LINGO2: variants seen among roughly 807,000 people sequenced by gnomAD.
LINGO2 encodes leucine rich repeat and Ig domain containing 2.
In LINGO2, 14 loss-of-function variants were observed where a neutral mutation model predicts 30.6. The ratio of observed to expected loss-of-function variants is 0.46; its 90% CI spans 0.30 to 0.72. The LOEUF (loss-of-function observed/expected upper bound fraction) is 0.72, where lower values mean the gene tolerates loss of function less well. Among genes scored for constraint, LINGO2 ranks in the 30% least tolerant of loss-of-function variants. LINGO2 has a pLI of 0.07. For missense variants in LINGO2, 729 were observed against 751.7 expected (o/e 0.97, Z 0.35); for synonymous variants, 317 against 288.5 (o/e 1.10, Z -1.00).
chr9:28,373,445 A>G (rs1480238129), intron 2 of LINGO2, among the ~76,000 whole-genome samples: 1 of 152,164 alleles, frequency 6.6e-6, no homozygotes, highest in Non-Finnish European at 1.5e-5. Context: ...AATTGTAATT[A>G]TGATGCTGAA....
chr9:28,542,908 G>A (rs1192568665), intron 1 of LINGO2, among the ~76,000 whole-genome samples: 3 of 151,946 alleles, frequency 2.0e-5, no homozygotes, highest in African/African-American at 7.2e-5. Flanking sequence ...CGTAATTCAG[G>A]GTCTGAAAGA....
At chr9:28,967,110 A>T in the LINGO2 span, among the ~76,000 whole-genome samples, 1 of 152,116 alleles carries the variant, frequency 6.6e-6, no homozygotes, top group African/African-American at 2.4e-5. Context: ...TCTAATGCCA[A>T]CTGCCTTACA....
intron 1 of LINGO2, among the ~76,000 whole-genome samples, chr9:28,587,756 C>T (rs73443307): frequency 6.6e-6 from 1 of 152,020 alleles, no homozygotes; most frequent in African/African-American, 2.4e-5. Flanking sequence ...GGTTACTCAC[C>T]TGGCCACTGC....
chr9:28,837,653 TATATATAC>T, the LINGO2 span, among the ~76,000 whole-genome samples: 474 of 99,046 alleles, frequency 4.8e-3, 66 homozygotes, highest in African/African-American at 0.018. Context: ...GTCTAAAATA[TATATATAC>T]ATATATATAT....
chr9:28,664,267 CT>C (rs1828703011), intron 1 of LINGO2, among the ~76,000 whole-genome samples: 1 of 152,022 alleles, frequency 6.6e-6, no homozygotes, highest in South Asian at 2.1e-4. Flanking sequence ...GCCCACAGTA[CT>C]GCTTTTTTTG....
the LINGO2 span, among the ~76,000 whole-genome samples, chr9:28,944,572 AT>A: frequency 6.6e-6 from 1 of 151,616 alleles, no homozygotes; most frequent in Non-Finnish European, 1.5e-5. Context: ...CGCCTGGCTA[AT>A]TTTTGTATTT....
the LINGO2 span, among the ~76,000 whole-genome samples, chr9:29,087,146 G>T: frequency 1.3e-5 from 2 of 152,040 alleles, no homozygotes; most frequent in African/African-American, 4.8e-5. Flanking sequence ...CAATGTGCTG[G>T]GATTACAGGC....
chr9:28,014,630 T>C (rs1822733715), intron 4 of LINGO2, among the ~76,000 whole-genome samples: 1 of 152,212 alleles, frequency 6.6e-6, no homozygotes, highest in Non-Finnish European at 1.5e-5. Context: ...CGATTATGCA[T>C]AGTGTGCTAT....
the LINGO2 span, among the ~76,000 whole-genome samples, chr9:29,136,575 T>C: frequency 5.9e-5 from 9 of 152,292 alleles, no homozygotes; most frequent in African/African-American, 2.2e-4. Context: ...TTCTTCATCA[T>C]TGACTCCTGT....
At chr9:28,727,938 C>G in the LINGO2 span, among the ~76,000 whole-genome samples, 3 of 152,046 alleles carry the variant, frequency 2.0e-5, no homozygotes, top group Non-Finnish European at 4.4e-5. Context: ...GTTCTCTCAA[C>G]GAGATTATGC....
the LINGO2 span, among the ~76,000 whole-genome samples, chr9:28,774,041 TACAC>T: frequency 0.43 from 62,370 of 146,576 alleles, 14,728 homozygotes; most frequent in Middle Eastern, 0.58. Flanking sequence ...TTCTTTTTGA[TACAC>T]ACACACACAC....
chr9:28,287,323 G>C (rs188205020), intron 4 of LINGO2, among the ~76,000 whole-genome samples: 2 of 152,310 alleles, frequency 1.3e-5, no homozygotes, highest in African/African-American at 4.8e-5. Flanking sequence ...TCTTCTACCA[G>C]AGGTGTTAAT....
the LINGO2 span, among the ~76,000 whole-genome samples, chr9:29,005,221 T>G: frequency 6.6e-6 from 1 of 151,952 alleles, no homozygotes; most frequent in Non-Finnish European, 1.5e-5. Flanking sequence ...AAACGTTTCT[T>G]GGAGTAGATA....
the LINGO2 span, among the ~76,000 whole-genome samples, chr9:28,848,985 C>T: frequency 6.6e-6 from 1 of 151,922 alleles, no homozygotes; most frequent in Non-Finnish European, 1.5e-5. Context: ...TAGTGATAAA[C>T]AGACCAAGTT....
chr9:29,188,834 C>G, the LINGO2 span, among the ~76,000 whole-genome samples: 1 of 117,000 alleles, frequency 8.5e-6, no homozygotes, highest in Non-Finnish European at 1.8e-5. Context: ...CGGGGGCTGA[C>G]CCCCCCGCCA....
At chr9:28,943,671 C>T in the LINGO2 span, among the ~76,000 whole-genome samples, 3 of 148,420 alleles carry the variant, frequency 2.0e-5, no homozygotes, top group South Asian at 2.2e-4. Context: ...AGTGCTGTAG[C>T]AAAACGAATT....
chr9:28,828,945 C>G, the LINGO2 span, among the ~76,000 whole-genome samples: 1 of 152,052 alleles, frequency 6.6e-6, no homozygotes, highest in Non-Finnish European at 1.5e-5. Context: ...CAGAGAAGGC[C>G]CCACCCTCAA....
chr9:28,589,808 G>A (rs1824775188), intron 1 of LINGO2, among the ~76,000 whole-genome samples: 1 of 151,834 alleles, frequency 6.6e-6, no homozygotes, highest in South Asian at 2.1e-4. Flanking sequence ...CTACTTTAAA[G>A]TTCATATGGA....
the LINGO2 span, among the ~76,000 whole-genome samples, chr9:28,683,326 AT>A: frequency 1.3e-5 from 2 of 152,046 alleles, no homozygotes; most frequent in Non-Finnish European, 1.5e-5. Flanking sequence ...TTGTACCATC[AT>A]TTTCCTGTGA....
Sources: allele counts gnomAD v4.1 joint callset (sites outside exome capture counted in the v4.1 genomes callset), GRCh38; gene constraint gnomAD v4.1.1; transcripts MANE v1.5; gene names NCBI Gene and HGNC (gene_info 2026-07-23, HGNC 2026-07-21).